CCDC3: variants seen among roughly 807,000 people sequenced by gnomAD.
CCDC3 encodes the protein coiled-coil domain-containing protein 3.
Under a neutral mutation model 21.4 loss-of-function variants are expected in CCDC3, and 24 were observed. The observed-to-expected ratio is 1.12, with a 90% CI of 0.81 to 1.58. The LOEUF is 1.58. CCDC3 is among the 40% of genes most tolerant of loss of function. The probability of loss-of-function intolerance (pLI) is 0.00; values close to 1 mark genes in which losing one functional copy is unlikely to be tolerated. For missense variants in CCDC3, 425 were observed against 360.9 expected, an observed-to-expected ratio of 1.18 and a Z score of -1.44; for synonymous variants, 186 against 166.0, an observed-to-expected ratio of 1.12 and a Z score of -0.93.
intron 2 of CCDC3, among the ~76,000 whole-genome samples, chr10:12,992,011 G>A (rs1163425222): frequency 6.6e-6 from 1 of 151,558 alleles, no homozygotes; most frequent in Non-Finnish European, 1.5e-5. Flanking sequence ...GTAGTGAAGT[G>A]TACACAGTGT....
chr10:13,081,878 T>G (rs1158519669), intron 3 of CCDC3, among the ~76,000 whole-genome samples: 1 of 152,228 alleles, frequency 6.6e-6, no homozygotes, highest in Non-Finnish European at 1.5e-5. Flanking sequence ...CCCTTTCCAC[T>G]CAGATAATCC....
rs181080169 is a variant in CCDC3 at position 12,960,022 on chromosome 10, C to T, written c.549+38316G>A. Among the ~76,000 whole-genome samples the T allele has an allele frequency of 6.8e-3, 1,039 of 152,234 alleles. 10 individuals are homozygous for T. The highest frequency in any genetic ancestry group is 0.024 in the African/African-American group (986 of 41,546). On this transcript the variant is annotated intron_variant, in intron 2 of 2. Transcript: ENST00000378825. Reference sequence around the variant, plus strand: ...TACAAAAATTAGCCAGGCGTGGTCGCACATGCCTGGAATCCCAGCTACTTG... The same window carrying T: ...TACAAAAATTAGCCAGGCGTGGTCGTACATGCCTGGAATCCCAGCTACTTG...
intron 2 of CCDC3, among the ~76,000 whole-genome samples, chr10:12,958,219 CA>C (rs199995257): frequency 1.3e-5 from 2 of 151,802 alleles, no homozygotes; most frequent in Admixed American, 6.6e-5. Context: ...AACAAACAAA[CA>C]AAAAAAACCC....
intron 2 of CCDC3, among the ~76,000 whole-genome samples, chr10:12,991,323 TTG>T (rs1835679633): frequency 1.3e-5 from 1 of 77,198 alleles, no homozygotes; most frequent in Non-Finnish European, 2.8e-5. Flanking sequence ...TGTTGTTGTT[TTG>T]TTTTTTTTTC....
chr10:13,054,687 G>C (rs1209877759), intron 4 of CCDC3, among the ~76,000 whole-genome samples: 1 of 151,970 alleles, frequency 6.6e-6, no homozygotes, highest in African/African-American at 2.4e-5. Context: ...TCTTTTTTGA[G>C]CCAGAATTTC....
At chr10:13,000,411 TGAAGTTCATG>T (rs1250908937) in intron 1 of CCDC3, among the ~76,000 whole-genome samples, 2 of 152,160 alleles carry the variant, frequency 1.3e-5, no homozygotes, top group African/African-American at 2.4e-5. Context: ...GGCCAAGTTC[TGAAGTTCATG>T]GAACTTCAGA....
At chr10:12,996,367 A>C (rs1835761885) in intron 2 of CCDC3, among the ~76,000 whole-genome samples, 2 of 151,998 alleles carry the variant, frequency 1.3e-5, no homozygotes, top group Admixed American at 6.6e-5. Flanking sequence ...ATGGAGTCTT[A>C]CTCTGTCGCC....
At chr10:13,011,474 T>C (rs1835983377) in intron 5 of CCDC3, among the ~76,000 whole-genome samples, 2 of 152,120 alleles carry the variant, frequency 1.3e-5, no homozygotes, top group Admixed American at 6.5e-5. Flanking sequence ...GGAATACAGC[T>C]AACCAGGGAG....
At chr10:12,976,716 A>G (rs1294447075) in intron 2 of CCDC3, among the ~76,000 whole-genome samples, 1 of 152,184 alleles carries the variant, frequency 6.6e-6, no homozygotes, top group African/African-American at 2.4e-5. Flanking sequence ...AGAGGAATAA[A>G]TCAGTGAAGC....
intron 2 of CCDC3, among the ~76,000 whole-genome samples, chr10:12,977,319 A>G (rs1835431997): frequency 6.6e-6 from 1 of 152,110 alleles, no homozygotes; most frequent in African/African-American, 2.4e-5. Flanking sequence ...AGGAAAGGAA[A>G]GGAAGAAAAA....
chr10:12,932,965 G>C (rs1356456327), intron 2 of CCDC3, among the ~76,000 whole-genome samples: 1 of 152,104 alleles, frequency 6.6e-6, no homozygotes, highest in Admixed American at 6.5e-5. Context: ...TGCATTAATT[G>C]ATTTTTGGAT....
intron 5 of CCDC3, among the ~76,000 whole-genome samples, chr10:13,037,811 A>C (rs1031775552): frequency 2.0e-5 from 3 of 152,084 alleles, no homozygotes; most frequent in Non-Finnish European, 4.4e-5. Context: ...CTCTAAAACA[A>C]AGATTTCCAG....
At chr10:12,922,553 C>A (rs1399544105) in intron 2 of CCDC3, among the ~76,000 whole-genome samples, 1 of 152,160 alleles carries the variant, frequency 6.6e-6, no homozygotes, top group Non-Finnish European at 1.5e-5. Context: ...ACCTGGAAGG[C>A]CATCTTGGAT....
chr10:12,946,671 A>G (rs1834920883), intron 2 of CCDC3, among the ~76,000 whole-genome samples: 1 of 152,086 alleles, frequency 6.6e-6, no homozygotes, highest in Admixed American at 6.5e-5. Flanking sequence ...TGTTAAATTT[A>G]ATTTATCTAC....
chr10:12,919,055 C>T (rs111229222), intron 2 of CCDC3, among the ~76,000 whole-genome samples: 12,660 of 151,472 alleles, frequency 0.084, 707 homozygotes, highest in South Asian at 0.14. Flanking sequence ...GACCCCATCT[C>T]GAAAAACAAA....
chr10:12,944,344 C>T (rs1186021670), intron 2 of CCDC3, among the ~76,000 whole-genome samples: 3 of 152,144 alleles, frequency 2.0e-5, no homozygotes, highest in Non-Finnish European at 4.4e-5. Flanking sequence ...TCCACAACCC[C>T]CTTCTCTAAA....
upstream of CCDC3, among the ~76,000 whole-genome samples, chr10:13,006,659 T>C (rs911318405): frequency 6.6e-6 from 1 of 152,228 alleles, no homozygotes; most frequent in Non-Finnish European, 1.5e-5. Flanking sequence ...TGGGGGTTTG[T>C]CAGTTGTCAA....
At chr10:13,038,510 A>T (rs1283950615) in intron 5 of CCDC3, among the ~76,000 whole-genome samples, 1 of 152,202 alleles carries the variant, frequency 6.6e-6, no homozygotes, top group Non-Finnish European at 1.5e-5. Flanking sequence ...ACAGACCAGT[A>T]TTTATGTTCT....
chr10:13,091,360 C>G (rs1354447921), intron 3 of CCDC3, among the ~76,000 whole-genome samples: 1 of 152,106 alleles, frequency 6.6e-6, no homozygotes, highest in Non-Finnish European at 1.5e-5. Context: ...GAGATTAGTG[C>G]CCTCATGAAA....
Sources: gnomAD v4.1 joint callset for allele counts (sites outside exome capture counted in the v4.1 genomes callset) on GRCh38, gnomAD v4.1.1 for gene constraint, MANE v1.5 for transcripts, NCBI Gene and HGNC (gene_info 2026-07-23, HGNC 2026-07-21) for gene names.